ADA2: variants seen among roughly 807,000 people sequenced by gnomAD.
ADA2 encodes adenosine deaminase 2.
Under a neutral mutation model 44.2 loss-of-function variants are expected in ADA2, and 29 were observed. The observed-to-expected ratio is 0.66, with a 90% CI of 0.49 to 0.89. The LOEUF (loss-of-function observed/expected upper bound fraction) is 0.89. ADA2 is among the 40% of genes least tolerant of loss of function. ADA2 has a pLI of 0.00. For missense variants in ADA2, 637 were observed against 644.8 expected (o/e 0.99, Z 0.13); for synonymous variants, 215 against 234.9 (o/e 0.92, Z 0.77).
At chr22:17,185,007 T>TATATATATATATATATATATATA (rs1568969005) in intron 7 of ADA2, among the ~76,000 whole-genome samples, 3 of 136,562 alleles carry the variant, frequency 2.2e-5, no homozygotes, top group Non-Finnish European at 4.7e-5. Flanking sequence ...TATATATATA[T>TATATATATATATATATATATATA]GAAAACTCCA....
At chr22:17,184,048 T>TC (rs1188867938) in intron 7 of ADA2, among the ~76,000 whole-genome samples, 1 of 139,758 alleles carries the variant, frequency 7.2e-6, no homozygotes, top group Non-Finnish European at 1.5e-5. Context: ...AAGCTCCACT[T>TC]CCCGGGGTTC....
intron 7 of ADA2, among the ~76,000 whole-genome samples, chr22:17,184,600 C>T (rs1244951575): frequency 6.6e-6 from 1 of 152,054 alleles, no homozygotes; most frequent in Non-Finnish European, 1.5e-5. Context: ...TCTATTCTTG[C>T]AGCCATAAGC....
At chr22:17,216,771 A>AACACACAC in intron 1 of ADA2, among the ~76,000 whole-genome samples, 1 of 135,078 alleles carries the variant, frequency 7.4e-6, no homozygotes, top group East Asian at 2.2e-4. Flanking sequence ...AAAAAAAAAA[A>AACACACAC]ACACACACAC....
chr22:17,184,439 A>G (rs2062012271), intron 7 of ADA2, among the ~76,000 whole-genome samples: 1 of 152,144 alleles, frequency 6.6e-6, no homozygotes, highest in Middle Eastern at 3.4e-3. Context: ...GCTGTCTCCT[A>G]TTTTGCTTCA....
chr22:17,189,891 T>A (rs777142035), intron 6 of ADA2, 51 bp downstream of exon 6: 4 of 1,353,470 alleles, frequency 3.0e-6, no homozygotes, highest in Non-Finnish European at 4.2e-6. Context: ...CAGACAGGCA[T>A]CCTCGCATGC....
chr22:17,187,680 A>AAAAG (rs1555884903), intron 7 of ADA2, among the ~76,000 whole-genome samples: 4 of 141,546 alleles, frequency 2.8e-5, no homozygotes, highest in Non-Finnish European at 4.5e-5. Flanking sequence ...AAAAAAAAAA[A>AAAAG]AAGAAGAAGA....
chr22:17,194,738 C>T (rs1338961548), intron 4 of ADA2, among the ~76,000 whole-genome samples: 2 of 151,850 alleles, frequency 1.3e-5, no homozygotes, highest in African/African-American at 4.8e-5. Flanking sequence ...AAGGAAGAAC[C>T]TTAGGTACTG....
chr22:17,206,088 G>T lies in ADA2; in HGVS notation c.542+983C>A, dbSNP rs577105398. ...AGAAGATTTATCTTCCAGCTAGATTGTCATCACTTCAGAGCTAGGAACTTT... is the reference window on the plus strand; with the variant it reads ...AGAAGATTTATCTTCCAGCTAGATTTTCATCACTTCAGAGCTAGGAACTTT... On this transcript the variant is annotated intron_variant, in intron 3 of 9. Coordinates refer to ENST00000399837, the MANE Select transcript of ADA2 (RefSeq NM_001282225.2). Among the ~76,000 whole-genome samples, 3 of 152,312 alleles carry T rather than the reference G, an allele frequency of 2.0e-5. No individual in the cohort carries two copies. In the East Asian group the frequency reaches 5.8e-4, roughly 29 times the overall value.
At chr22:17,201,967 C>CTT (rs71200247) in intron 4 of ADA2, among the ~76,000 whole-genome samples, 115 of 103,110 alleles carry the variant, frequency 1.1e-3, no homozygotes, top group East Asian at 3.7e-3. Context: ...TTTCTTTTTT[C>CTT]TTTTTTTTTT....
intron 1 of ADA2, among the ~76,000 whole-genome samples, chr22:17,218,928 A>T (rs1971009): frequency 6.6e-6 from 1 of 151,990 alleles, no homozygotes; most frequent in South Asian, 2.1e-4. Context: ...AGGCCGAGGC[A>T]GGCAGATCAC....
chr22:17,182,153 C>A, intron 8 of ADA2, 131 bp from the exon 9 acceptor site: 1 of 702,040 alleles, frequency 1.4e-6, no homozygotes, highest in African/African-American at 1.8e-5. Context: ...ATGGGGATGA[C>A]TTCTGGGCAG....
intron 4 of ADA2, among the ~76,000 whole-genome samples, chr22:17,203,274 CCTT>C (rs1433686989): frequency 1.3e-5 from 2 of 152,130 alleles, no homozygotes; most frequent in Non-Finnish European, 2.9e-5. Flanking sequence ...TCCCAATTCT[CCTT>C]CTCAGCTTAT....
In ADA2 at chr22:17,209,647, C is replaced by G. The variant is rs1342338643; in HGVS notation, c.31G>C (p.Ala11Pro). The G allele has an allele frequency of 6.2e-7, 1 of 1,613,606 alleles. No individual in the cohort carries two copies. The highest frequency in any genetic ancestry group is 8.5e-7 in the Non-Finnish European group (1 of 1,179,906). The change falls in exon 2 of 10, where the codon GCC (alanine) becomes CCC (proline). Residue 11 changes from alanine (A) to proline (P), a missense_variant. Transcript: ENST00000399837. ...ACAGCCAACAGCAAGAAGCACAGGGCTGGCCGCTCAGATGGGCCATCCACC... is the reference window on the plus strand; with the variant it reads ...ACAGCCAACAGCAAGAAGCACAGGGGTGGCCGCTCAGATGGGCCATCCACC... Reference protein sequence around the residue: MLVDGPSERPALCFLLLAVAM... With the variant: MLVDGPSERPPLCFLLLAVAM...
intron 1 of ADA2, 128 bp from the exon 2 acceptor site, chr22:17,209,851 G>T: frequency 1.7e-6 from 1 of 600,386 alleles, no homozygotes; most frequent in Non-Finnish European, 2.9e-6. Flanking sequence ...AGACCCCAGA[G>T]AAAAGACCTA....
chr22:17,214,828 G>C (rs1453036473), intron 1 of ADA2, among the ~76,000 whole-genome samples: 1 of 152,204 alleles, frequency 6.6e-6, no homozygotes, highest in Non-Finnish European at 1.5e-5. Context: ...TATTGCCATG[G>C]CAGACATTGC....
intron 1 of ADA2, among the ~76,000 whole-genome samples, chr22:17,211,688 G>C (rs1177450648): frequency 1.3e-5 from 2 of 152,080 alleles, no homozygotes; most frequent in African/African-American, 4.8e-5. Flanking sequence ...CCAGCACTTT[G>C]GGAGGCTGAG....
At chr22:17,182,819 G>T (rs2123605674) in intron 7 of ADA2, 58 bp from the exon 8 acceptor site, 4 of 1,552,690 alleles carry the variant, frequency 2.6e-6, no homozygotes, top group East Asian at 4.5e-5. Flanking sequence ...TTCCATGGGG[G>T]ATGGATGGGT....
At position 17,182,038 on chromosome 22, in the gene ADA2, G is replaced by A. The variant is rs1445620382; in HGVS notation, c.1240-16C>T. The stretch of plus-strand genomic sequence containing the variant: ...GTTTCAGCACCTGCGCAATAGGAGG[G>A]AAGGGAGAAAGATGAACTCTGATCC... On this transcript the variant is annotated splice_polypyrimidine_tract_variant and intron_variant, in intron 8 of 9. Transcript: ENST00000399837. 6.2e-7 allele frequency: 1 copy of A among 1,602,878 alleles called. No homozygotes were observed. The highest frequency in any genetic ancestry group is 8.5e-7 in the Non-Finnish European group (1 of 1,171,490).
chr22:17,209,861 A>ACAGGTACAG (rs1247475300), intron 1 of ADA2, 138 bp from the exon 2 acceptor site: 5 of 586,682 alleles, frequency 8.5e-6, no homozygotes, highest in Non-Finnish European at 1.5e-5. Context: ...GAAAAGACCT[A>ACAGGTACAG]CAGGTACAGA....
Sources: gnomAD v4.1 joint callset for allele counts (sites outside exome capture counted in the v4.1 genomes callset) on GRCh38, gnomAD v4.1.1 for gene constraint, MANE v1.5 for transcripts, NCBI Gene and HGNC (gene_info 2026-07-23, HGNC 2026-07-21) for gene names.